TTC12: variants seen among roughly 807,000 people sequenced by gnomAD.
The protein encoded by TTC12 is tetratricopeptide repeat domain 12, also known as tetratricopeptide repeat protein 12.
TTC12 carries 70 observed loss-of-function variants against 90.1 expected under a neutral mutation model. The ratio of observed to expected loss-of-function variants is 0.78; its 90% CI spans 0.64 to 0.95. The LOEUF is 0.95. Ranked by LOEUF, TTC12 falls within the 40% of genes least tolerant of loss-of-function variation. TTC12 has a pLI of 0.00. For synonymous variants in TTC12, 296 were observed against 311.5 expected, an observed-to-expected ratio of 0.95 and a Z score of 0.53; for missense variants, 819 against 846.1, an observed-to-expected ratio of 0.97 and a Z score of 0.40.
At chr11:113,368,165 GTTA>G (rs1165157066), downstream of TTC12, 6 of 1,391,358 alleles carry the variant, frequency 4.3e-6, no homozygotes, top group African/African-American at 1.4e-5. Context: ...GTCAAATTAC[GTTA>G]TTATGTTTAT....
chr11:113,357,019 T>C (rs1434451785), intron 16 of TTC12, among the ~76,000 whole-genome samples: 4 of 152,218 alleles, frequency 2.6e-5, no homozygotes, highest in African/African-American at 7.2e-5. Context: ...GAAATATGTT[T>C]TCCAAATTGG....
chr11:113,331,881 GA>G (rs201071039), intron 7 of TTC12, among the ~76,000 whole-genome samples: 20 of 150,576 alleles, frequency 1.3e-4, no homozygotes, highest in African/African-American at 3.9e-4. Flanking sequence ...GGAGAAATGA[GA>G]AAAAAAAATG....
intron 21 of TTC12, among the ~76,000 whole-genome samples, chr11:113,372,882 G>T (rs976666750): frequency 1.3e-5 from 2 of 152,076 alleles, no homozygotes; most frequent in Non-Finnish European, 2.9e-5. Context: ...AGCAATGTTT[G>T]TTGAAGGGCA....
downstream of TTC12, chr11:113,368,052 C>T: frequency 1.7e-6 from 1 of 575,498 alleles, no homozygotes. Flanking sequence ...GCCCTGTCTC[C>T]TTTGAAGTTC....
intron 7 of TTC12, among the ~76,000 whole-genome samples, chr11:113,333,967 T>C (rs986228305): frequency 1.3e-5 from 2 of 152,226 alleles, no homozygotes; most frequent in Non-Finnish European, 2.9e-5. Context: ...ACCAAGTGTT[T>C]TACATAATTT....
chr11:113,362,649 T>G (rs1950000083), intron 19 of TTC12, 147 bp downstream of exon 19: 1 of 622,476 alleles, frequency 1.6e-6, no homozygotes, highest in African/African-American at 1.8e-5. Flanking sequence ...AGGGATTTGC[T>G]TCTGCCTGTC....
At chr11:113,358,070 T>G (rs138918354) in intron 16 of TTC12, among the ~76,000 whole-genome samples, 1 of 152,302 alleles carries the variant, frequency 6.6e-6, no homozygotes, top group Non-Finnish European at 1.5e-5. Context: ...GTGCCTTCTC[T>G]GTGCCTCACA....
chr11:113,330,012 G>T (rs1591539459), intron 7 of TTC12, 33 bp downstream of exon 7: 3 of 1,568,406 alleles, frequency 1.9e-6, no homozygotes, highest in Middle Eastern at 3.4e-4. Flanking sequence ...ACATGATAGT[G>T]TTGGGCTGAA....
At chr11:113,335,223 G>A (rs936309162) in intron 8 of TTC12, among the ~76,000 whole-genome samples, 186 bp downstream of exon 8, 8 of 152,126 alleles carry the variant, frequency 5.3e-5, no homozygotes, top group Non-Finnish European at 7.4e-5. Flanking sequence ...AACTCCACCA[G>A]CTGTAGGACT....
chr11:113,340,338 G>C (rs1164517470), intron 10 of TTC12, among the ~76,000 whole-genome samples: 1 of 152,180 alleles, frequency 6.6e-6, no homozygotes, highest in Non-Finnish European at 1.5e-5. Flanking sequence ...GGATATGCTG[G>C]TACTTCCCAT....
chr11:113,355,804 C>G (rs1949601844), intron 16 of TTC12, among the ~76,000 whole-genome samples: 1 of 151,512 alleles, frequency 6.6e-6, no homozygotes, highest in African/African-American at 2.4e-5. Flanking sequence ...TCTTAATTTC[C>G]AAATTGAGTG....
chr11:113,341,617 A>G (rs1948691794), intron 11 of TTC12: 1 of 544,052 alleles, frequency 1.8e-6, no homozygotes, highest in African/African-American at 1.9e-5. Context: ...GCCCTGGCTC[A>G]CTGCCCAGCC....
chr11:113,367,033 T>C (rs1316857666), downstream of TTC12, among the ~76,000 whole-genome samples: 1 of 152,226 alleles, frequency 6.6e-6, no homozygotes, highest in Non-Finnish European at 1.5e-5. Context: ...TTGATTTCCC[T>C]AACCCACCTT....
At chr11:113,356,899 G>A (rs1193645575) in intron 16 of TTC12, among the ~76,000 whole-genome samples, 2 of 152,076 alleles carry the variant, frequency 1.3e-5, no homozygotes, top group Non-Finnish European at 2.9e-5. Context: ...TGATGATTAT[G>A]TGTCTTGGGG....
At chr11:113,333,344 C>T (rs1174215132) in intron 7 of TTC12, among the ~76,000 whole-genome samples, 1 of 152,208 alleles carries the variant, frequency 6.6e-6, no homozygotes, top group East Asian at 1.9e-4. Context: ...CTCTGTGTCA[C>T]TAAGACTCAG....
intron 11 of TTC12, 107 bp downstream of exon 11, chr11:113,340,840 C>T (rs1948641430): frequency 1.1e-6 from 1 of 932,460 alleles, no homozygotes; most frequent in East Asian, 2.5e-5. Flanking sequence ...GAACATTACC[C>T]CCCTTCAGTC....
chr11:113,363,903 G>A lies in TTC12; in HGVS notation c.1792G>A (p.Glu598Lys), dbSNP rs199559784. 2.5e-5 allele frequency: 41 copies of A among 1,613,450 alleles called. No homozygotes were observed. The highest frequency in any genetic ancestry group is 3.5e-5 in the Non-Finnish European group (41 of 1,179,450). ...ICTNSYHEAREEVIRLDKKLS... is the reference protein window; with the variant it reads ...ICTNSYHEARKEVIRLDKKLS... The stretch of plus-strand genomic sequence containing the variant: ...CACGAATAGTTATCATGAAGCTCGG[G>A]AAGAAGTAATAAGACTGGATAAAAG... Residue 598 changes from glutamate to lysine, a missense_variant, in exon 20 of 22, where the codon GAA becomes AAA. By Grantham distance (56) the Glu-to-Lys change is moderately conservative (BLOSUM62 1). Coordinates refer to ENST00000529221, the MANE Select transcript of TTC12 (RefSeq NM_017868.4).
intron 16 of TTC12, 37 bp from the exon 17 acceptor site, chr11:113,359,326 C>A: frequency 7.0e-7 from 1 of 1,429,858 alleles, no homozygotes; most frequent in Non-Finnish European, 9.8e-7. Flanking sequence ...AGCTGTAAGG[C>A]AAAAAGGTCA....
intron 6 of TTC12, among the ~76,000 whole-genome samples, chr11:113,328,850 G>A (rs1320066554): frequency 3.3e-5 from 5 of 152,050 alleles, no homozygotes; most frequent in Admixed American, 1.3e-4. Flanking sequence ...ACCTTTGTCT[G>A]TTCTGGACAT....
Sources: gnomAD v4.1 joint callset for allele counts (sites outside exome capture counted in the v4.1 genomes callset) on GRCh38, gnomAD v4.1.1 for gene constraint, MANE v1.5 for transcripts, NCBI Gene and HGNC (gene_info 2026-07-23, HGNC 2026-07-21) for gene names.